KLF8: variants seen among roughly 807,000 people sequenced by gnomAD.
KLF8 encodes Krueppel-like factor 8.
In KLF8, 10 loss-of-function variants were observed where a neutral mutation model predicts 18.2. That is an observed-to-expected ratio of 0.55 (90% confidence interval 0.34 to 0.93). The LOEUF is 0.93. KLF8 is among the 40% of genes least tolerant of loss of function. KLF8 has a pLI of 0.02. For missense variants in KLF8, 264 were observed against 277.9 expected (o/e 0.95, Z 0.36); for synonymous variants, 109 against 97.3 (o/e 1.12, Z -0.71).
the KLF8 span, among the ~76,000 whole-genome samples, chrX:56,027,612 A>G: frequency 8.9e-6 from 1 of 112,227 alleles, no homozygotes; most frequent in South Asian, 3.7e-4. Context: ...CTTGGCTTCA[A>G]TAACATTATC....
the KLF8 span, among the ~76,000 whole-genome samples, chrX:56,154,277 C>T: frequency 3.6e-5 from 4 of 110,684 alleles, no homozygotes; most frequent in Non-Finnish European, 7.5e-5. Context: ...TGGAACAGAA[C>T]AGAGCCCTCA....
the KLF8 span, among the ~76,000 whole-genome samples, chrX:56,218,581 T>C: frequency 2.8e-4 from 31 of 112,327 alleles, no homozygotes; most frequent in South Asian, 0.012. Context: ...ACTAGTGATA[T>C]AGTCAAACTT....
chrX:56,195,243 G>A, the KLF8 span, among the ~76,000 whole-genome samples: 1 of 112,208 alleles, frequency 8.9e-6, no homozygotes, highest in African/African-American at 3.2e-5. Flanking sequence ...TTGACAAGTT[G>A]ACAGAGGTAG....
chrX:56,173,128 C>A, the KLF8 span, among the ~76,000 whole-genome samples: 1 of 111,518 alleles, frequency 9.0e-6, no homozygotes, highest in Admixed American at 9.6e-5. Flanking sequence ...TCAATTTTGT[C>A]TTTTGTTGCC....
the KLF8 span, among the ~76,000 whole-genome samples, chrX:56,178,407 C>G: frequency 8.9e-6 from 1 of 112,095 alleles, no homozygotes; most frequent in Non-Finnish European, 1.9e-5. Context: ...GGGTAGATTG[C>G]AAAAACTTTC....
the KLF8 span, among the ~76,000 whole-genome samples, chrX:56,019,531 G>T: frequency 8.9e-6 from 1 of 112,321 alleles, no homozygotes; most frequent in African/African-American, 3.2e-5. Flanking sequence ...CCTATGTTTT[G>T]GATATTCACA....
At chrX:56,021,557 A>G in the KLF8 span, among the ~76,000 whole-genome samples, 1 of 109,346 alleles carries the variant, frequency 9.1e-6, no homozygotes, top group Non-Finnish European at 1.9e-5. Context: ...TGCCAAATAG[A>G]TTTCCAAAGT....
chrX:56,123,390 C>G, the KLF8 span, among the ~76,000 whole-genome samples: 1 of 111,457 alleles, frequency 9.0e-6, no homozygotes, highest in Non-Finnish European at 1.9e-5. Flanking sequence ...TGGGCACAAG[C>G]CTGAGATAAC....
chrX:56,179,599 C>T, the KLF8 span, among the ~76,000 whole-genome samples: 1 of 111,917 alleles, frequency 8.9e-6, no homozygotes, highest in Non-Finnish European at 1.9e-5. Flanking sequence ...CCAGTTTTTG[C>T]CCATTTAGTA....
At chrX:56,184,054 C>T in the KLF8 span, among the ~76,000 whole-genome samples, 11 of 112,123 alleles carry the variant, frequency 9.8e-5, no homozygotes, top group South Asian at 1.1e-3. Context: ...ATGCACGAGT[C>T]GAAGCAGAGT....
chrX:56,065,967 T>A, the KLF8 span, among the ~76,000 whole-genome samples: 1 of 111,611 alleles, frequency 9.0e-6, no homozygotes, highest in African/African-American at 3.3e-5. Context: ...TGGGCCCCAA[T>A]GACAGCAGGT....
At chrX:56,164,072 C>T in the KLF8 span, among the ~76,000 whole-genome samples, 5 of 106,328 alleles carry the variant, frequency 4.7e-5, no homozygotes, top group African/African-American at 1.4e-4. Context: ...CTTGGCTATT[C>T]AGGCTCTCGT....
chrX:55,918,109 A>T, the KLF8 span, among the ~76,000 whole-genome samples: 1 of 112,094 alleles, frequency 8.9e-6, no homozygotes, highest in Non-Finnish European at 1.9e-5. Flanking sequence ...TTAGAGAGAT[A>T]ACAGGAGCCC....
the KLF8 span, among the ~76,000 whole-genome samples, chrX:56,154,555 A>C: frequency 2.7e-5 from 3 of 112,208 alleles, no homozygotes; most frequent in African/African-American, 9.7e-5. Context: ...CAAGGACTTC[A>C]TGTCTAAAAC....
chrX:55,956,169 C>CTATCATCT, the KLF8 span, among the ~76,000 whole-genome samples: 78 of 81,851 alleles, frequency 9.5e-4, no homozygotes, highest in East Asian at 1.9e-3. Flanking sequence ...ATCTATCTAT[C>CTATCATCT]ATCTATCTAT....
the KLF8 span, among the ~76,000 whole-genome samples, chrX:56,029,579 G>C: frequency 2.7e-5 from 3 of 111,641 alleles, no homozygotes; most frequent in East Asian, 8.5e-4. Flanking sequence ...CTGACCATGG[G>C]CTCCTTGGGG....
chrX:55,984,809 C>T, the KLF8 span, among the ~76,000 whole-genome samples: 1 of 110,643 alleles, frequency 9.0e-6, no homozygotes, highest in African/African-American at 3.3e-5. Flanking sequence ...CTTTTAATCG[C>T]CATTCTGACT....
chrX:56,160,208 T>A, the KLF8 span, among the ~76,000 whole-genome samples: 1 of 111,812 alleles, frequency 8.9e-6, no homozygotes, highest in Non-Finnish European at 1.9e-5. Context: ...TTTGAGTGAG[T>A]TTCTTAATCC....
At chrX:56,052,491 A>T in the KLF8 span, among the ~76,000 whole-genome samples, 1 of 111,960 alleles carries the variant, frequency 8.9e-6, no homozygotes, top group Admixed American at 9.5e-5. Context: ...TCTAACAGAC[A>T]GGACCCTCAG....
Sources: gnomAD v4.1 joint callset for allele counts (sites outside exome capture counted in the v4.1 genomes callset) on GRCh38, gnomAD v4.1.1 for gene constraint, MANE v1.5 for transcripts, NCBI Gene and HGNC (gene_info 2026-07-23, HGNC 2026-07-21) for gene names.